LY9: variants seen among roughly 807,000 people sequenced by gnomAD.
The protein encoded by LY9 is lymphocyte antigen 9.
LY9 carries 59 observed loss-of-function variants against 64.6 expected under a neutral mutation model. The observed-to-expected ratio is 0.91, with a 90% CI of 0.74 to 1.13. The LOEUF (loss-of-function observed/expected upper bound fraction) is 1.13, where lower values mean the gene tolerates loss of function less well. Ranked by LOEUF, LY9 falls within the 50% of genes most tolerant of loss-of-function variation. The pLI, the probability that LY9 is intolerant of heterozygous loss-of-function variation, is 0.00. For missense variants in LY9, 789 were observed against 797.2 expected (o/e 0.99, Z 0.12); for synonymous variants, 281 against 308.5 (o/e 0.91, Z 0.93).
At chr1:160,804,427 C>G (rs1276139345) in intron 2 of LY9, among the ~76,000 whole-genome samples, 2 of 152,136 alleles carry the variant, frequency 1.3e-5, no homozygotes, top group South Asian at 4.1e-4. Flanking sequence ...CCTTGCATCC[C>G]TGGGATAAAT....
chr1:160,826,197 A>G (rs576658226), intron 9 of LY9, among the ~76,000 whole-genome samples: 147 of 152,346 alleles, frequency 9.6e-4, no homozygotes, highest in African/African-American at 3.3e-3. Flanking sequence ...TATACTATTC[A>G]TTAAGTGGAA....
Position 160,814,568 on chromosome 1 carries a change from G to A in LY9, c.879G>A (p.Arg293=), listed in dbSNP as rs754708171. 2.2e-5 allele frequency: 35 copies of A among 1,613,998 alleles called. No individual in the cohort carries two copies. Among genetic ancestry groups the A allele is most frequent in the Non-Finnish European group, 2.9e-5 (34 of 1,180,022 alleles). ...LFNTSIISKE[R]EEAATADPLI... ...ACACATCCATCATTAGCAAAGAGAG[G>A]GAAGAAGCAGCAACGGCAGATCCAC... Residue 293 remains arginine (R), a synonymous_variant, in exon 4 of 10, where the codon AGG becomes AGA. Coordinates refer to ENST00000263285, the MANE Select transcript of LY9 (RefSeq NM_002348.4).
At chr1:160,806,726 C>G (rs980031357) in intron 2 of LY9, among the ~76,000 whole-genome samples, 2 of 152,062 alleles carry the variant, frequency 1.3e-5, no homozygotes, top group Admixed American at 1.3e-4. Flanking sequence ...TTGTATTTTC[C>G]TGGGAATTGC....
rs2101834473 is a variant in LY9 at position 160,823,407 on chromosome 1, A to G, written c.1499-58A>G. The G allele has an allele frequency of 1.0e-5, 14 of 1,368,078 alleles. No homozygotes were observed. The South Asian group carries it at 1.7e-4, about 17-fold the overall frequency. 84.7% of individuals were successfully genotyped at this position (1,368,078 alleles called of 1,614,324 possible). A position where few individuals can be genotyped will look rare whatever the true frequency, so the allele number is the denominator to read the frequency against. ...CAGAGCAGGCTGGGGCCTTGCAGCA[A>G]AGCAAGAAGAGAGGTGGGGTTGGCA... On this transcript the variant is annotated intron_variant, in intron 7 of 9. Coordinates refer to ENST00000263285, the MANE Select transcript of LY9 (RefSeq NM_002348.4).
Position 160,814,558 on chromosome 1 carries a change from G to A in LY9, c.869G>A (p.Ser290Asn). The change falls in exon 4 of 10, where the codon AGC (serine) becomes AAC (asparagine). Residue 290 changes from serine (S) to asparagine (N), a missense_variant. Transcript: ENST00000263285. ...TGGTTGTTTAACACATCCATCATTA[G>A]CAAAGAGAGGGAAGAAGCAGCAACG... is the stretch of plus-strand genomic sequence containing the variant. Reference protein sequence around the residue: ...VVWLFNTSIISKEREEAATAD... With the variant: ...VVWLFNTSIINKEREEAATAD... 2 of 1,614,166 alleles carry A rather than the reference G, an allele frequency of 1.2e-6. No homozygotes were observed. The highest frequency in any genetic ancestry group is 1.7e-6 in the Non-Finnish European group (2 of 1,180,024).
intron 7 of LY9, among the ~76,000 whole-genome samples, chr1:160,822,271 G>A (rs1390341768): frequency 6.6e-6 from 1 of 152,134 alleles, no homozygotes; most frequent in Non-Finnish European, 1.5e-5. Flanking sequence ...GCTGGTGAAT[G>A]CGCTGAGTTC....
At chr1:160,824,122 G>A (rs1049562564) in intron 8 of LY9, 59 bp from the exon 9 acceptor site, 4 of 1,608,682 alleles carry the variant, frequency 2.5e-6, no homozygotes, top group Admixed American at 1.7e-5. Context: ...AGGGTTGAGG[G>A]TAAAACTGAA....
chr1:160,818,381 G>A (rs1049306952), intron 6 of LY9, 62 bp downstream of exon 6: 3 of 1,255,760 alleles, frequency 2.4e-6, no homozygotes, highest in East Asian at 2.3e-5. Flanking sequence ...ACTTGTGGAG[G>A]CTTCTCTGCC....
chr1:160,808,082 T>A (rs1157854069), intron 2 of LY9, among the ~76,000 whole-genome samples: 1 of 152,088 alleles, frequency 6.6e-6, no homozygotes, highest in Non-Finnish European at 1.5e-5. Context: ...TATGCATCCC[T>A]CTCAGCCTCA....
rs376098800 is a variant in LY9 at position 160,824,286 on chromosome 1, C to G, written c.1899+37C>G. 1.2e-6 allele frequency: 2 copies of G among 1,613,144 alleles called. 1 individual carries two copies. The highest frequency in any genetic ancestry group is 2.7e-5 in the African/African-American group (2 of 74,878). On this transcript the variant is annotated intron_variant, in intron 9 of 9. Transcript: ENST00000263285. ...TACATTCTCTGTATCCCAAGGCCCACAGAGTGAGGAACTATTCCTTAGACC... is the reference window on the plus strand; with the variant it reads ...TACATTCTCTGTATCCCAAGGCCCAGAGAGTGAGGAACTATTCCTTAGACC...
intron 2 of LY9, among the ~76,000 whole-genome samples, chr1:160,804,427 C>CTGA (rs1450395134): frequency 1.3e-5 from 2 of 152,136 alleles, no homozygotes; most frequent in African/African-American, 4.8e-5. Flanking sequence ...CCTTGCATCC[C>CTGA]TGGGATAAAT....
At chr1:160,809,232 C>T (rs1571001890) in intron 2 of LY9, among the ~76,000 whole-genome samples, 2 of 151,378 alleles carry the variant, frequency 1.3e-5, no homozygotes, top group East Asian at 1.9e-4. Context: ...ATCACCTAGG[C>T]TTGCCTCCAA....
Position 160,816,735 on chromosome 1 carries a change from T to G in LY9, c.1214T>G (p.Val405Gly). The G allele has an allele frequency of 6.2e-7, 1 of 1,614,228 alleles. No homozygotes were observed. Among genetic ancestry groups the G allele is most frequent in the Non-Finnish European group, 8.5e-7 (1 of 1,180,040 alleles). ...ACCCCGCTGCAGAAGGAAGCTGTTG[T>G]GTCCCAAGGGGAATCACACCTCAAT... ...TWTPLQKEAVVSQGESHLNVS... is the reference protein window; with the variant it reads ...TWTPLQKEAVGSQGESHLNVS... Residue 405 changes from valine to glycine, a missense_variant, in exon 5 of 10, where the codon GTG becomes GGG. Val to Gly is a moderately radical substitution (Grantham distance 109). Transcript: ENST00000263285.
Position 160,798,126 on chromosome 1 carries a change from G to A in LY9, c.125-1627G>A, listed in dbSNP as rs79489707. On this transcript the variant is annotated intron_variant, in intron 1 of 9. Coordinates refer to ENST00000263285, the MANE Select transcript of LY9 (RefSeq NM_002348.4). ...TTCTGCAACAAGATTTGCCCTGTGA[G>A]GCCCACATCCTGCCCCCTCCACTGA... is the stretch of plus-strand genomic sequence containing the variant. 3.3e-3 allele frequency among the ~76,000 whole-genome samples: 505 copies of A among 152,252 alleles called. 15 individuals are homozygous for A. The East Asian group carries it at 0.07, about 21-fold the overall frequency.
intron 2 of LY9, among the ~76,000 whole-genome samples, chr1:160,809,111 A>T (rs997159432): frequency 2.6e-5 from 4 of 151,996 alleles, no homozygotes; most frequent in Non-Finnish European, 5.9e-5. Flanking sequence ...TTTCACGCTT[A>T]TGTGACTAGG....
intron 9 of LY9, chr1:160,824,858 G>C (rs1239743800): frequency 1.3e-4 from 21 of 157,334 alleles, no homozygotes; most frequent in African/African-American, 5.1e-4. Flanking sequence ...GCAGGCGCCT[G>C]TAGTTCCAAC....
chr1:160,808,009 C>T (rs1034782603), intron 2 of LY9, among the ~76,000 whole-genome samples: 9 of 152,178 alleles, frequency 5.9e-5, no homozygotes, highest in Non-Finnish European at 8.8e-5. Context: ...CACCGTGAGG[C>T]CCTGCCACTG....
At chr1:160,822,292 T>A (rs549421533) in intron 7 of LY9, among the ~76,000 whole-genome samples, 1 of 152,076 alleles carries the variant, frequency 6.6e-6, no homozygotes, top group Non-Finnish European at 1.5e-5. Flanking sequence ...TATAGTCCAG[T>A]TTGAGGAGGC....
intron 6 of LY9, 86 bp downstream of exon 6, chr1:160,818,405 G>T: frequency 1.1e-6 from 1 of 935,076 alleles, no homozygotes; most frequent in Admixed American, 2.0e-5. Context: ...ACACAATCCC[G>T]TGCTACCCCT....
Sources: allele counts gnomAD v4.1 joint callset (sites outside exome capture counted in the v4.1 genomes callset), GRCh38; gene constraint gnomAD v4.1.1; transcripts MANE v1.5; gene names NCBI Gene and HGNC (gene_info 2026-07-23, HGNC 2026-07-21).